Variants in RASIP1 observed in about 807,000 individuals in gnomAD.
RASIP1 encodes Ras interacting protein 1.
In RASIP1, 20 loss-of-function variants were observed where a neutral mutation model predicts 85.3. That is an observed-to-expected ratio of 0.23 (90% CI 0.17 to 0.34). The LOEUF is 0.34. Ranked by LOEUF, RASIP1 falls within the 10% of genes least tolerant of loss-of-function variation. RASIP1 has a pLI of 1.00. For synonymous variants in RASIP1, 617 were observed against 647.1 expected (o/e 0.95, Z 0.71); for missense variants, 1,170 against 1,390.9 (o/e 0.84, Z 2.53).
chr19:48,724,285 G>T lies in RASIP1; in HGVS notation c.2544+52C>A. ...GAGCTGAATATAGAAGGTGGCTGAG[G>T]GGGGTTGAGGAGTCAGAGGTCAGGG... On this transcript the variant is annotated intron_variant, in intron 10 of 11. Coordinates refer to ENST00000222145, the MANE Select transcript of RASIP1 (RefSeq NM_017805.3). The surrounding 1 kb of genome is among the most constrained non-coding windows in gnomAD (Gnocchi z 4.6). 1.5e-5 allele frequency: 23 copies of T among 1,565,470 alleles called. No individual in the cohort carries two copies. Among genetic ancestry groups the T allele is most frequent in the Non-Finnish European group, 1.9e-5 (22 of 1,146,844 alleles).
rs921378725 is a variant in RASIP1 at position 48,725,161 on chromosome 19, A to G, written c.2128-201T>C. 2.7e-5 allele frequency: 16 copies of G among 600,472 alleles called. 1 individual carries two copies. Among genetic ancestry groups the G allele is most frequent in the Middle Eastern group, 9.1e-4 (2 of 2,198 alleles). The allele number at this position is 600,472 out of a possible 1,614,324, so 37.2% of individuals were successfully genotyped here. A position where few individuals can be genotyped will look rare whatever the true frequency, so the allele number is the denominator to read the frequency against. ...ATACAAGTTTCTCGAGTATTTTAAGATCACCTCTTGTGCATTGTGGGACTT... is the reference window on the plus strand; with the variant it reads ...ATACAAGTTTCTCGAGTATTTTAAGGTCACCTCTTGTGCATTGTGGGACTT... On this transcript the variant is annotated intron_variant, in intron 8 of 11. Transcript: ENST00000222145.
chr19:48,739,387 G>A lies in RASIP1; in HGVS notation c.396C>T (p.Ala132=). 7.4e-7 allele frequency: 1 copy of A among 1,345,928 alleles called. No individual in the cohort carries two copies. Among genetic ancestry groups the A allele is most frequent in the Non-Finnish European group, 9.5e-7 (1 of 1,054,224 alleles). The allele number at this position is 1,345,928 out of a possible 1,614,324, so 83.4% of individuals were successfully genotyped here. A position where few individuals can be genotyped will look rare whatever the true frequency, so the allele number is the denominator to read the frequency against. ...CGCGGGTAGCCAGCGGGGGCTCGGGGGCCACGCCCGCCGCCAGCTCCGGCA... is the reference window on the plus strand; with the variant it reads ...CGCGGGTAGCCAGCGGGGGCTCGGGAGCCACGCCCGCCGCCAGCTCCGGCA... ...KKLPELAAGV[A]PEPPLATRAT... Residue 132 remains alanine (A), a synonymous_variant, in exon 3 of 12, where the codon GCC becomes GCT. Transcript: ENST00000222145. The surrounding 1 kb of genome is among the most constrained non-coding windows in gnomAD (Gnocchi z 9.2).
intron 4 of RASIP1, among the ~76,000 whole-genome samples, chr19:48,732,879 C>T (rs1017822575): frequency 3.9e-5 from 6 of 152,146 alleles, no homozygotes; most frequent in East Asian, 1.9e-4. Flanking sequence ...ATGGAACTGT[C>T]GAATAAGCTA....
chr19:48,730,480 A>G (rs1204318725), intron 4 of RASIP1, among the ~76,000 whole-genome samples: 1 of 152,034 alleles, frequency 6.6e-6, no homozygotes, highest in Non-Finnish European at 1.5e-5. Flanking sequence ...ATTTCTTAAC[A>G]TGGGCTCTAC....
intron 10 of RASIP1, among the ~76,000 whole-genome samples, chr19:48,722,772 A>T (rs984097590): frequency 6.6e-6 from 1 of 152,150 alleles, no homozygotes. Context: ...TAGTCTCCTC[A>T]TCCATAAATT....
chr19:48,739,092 C>G lies in RASIP1; in HGVS notation c.691G>C (p.Asp231His). 7.6e-7 allele frequency: 1 copy of G among 1,308,648 alleles called. No homozygotes were observed. The highest frequency in any genetic ancestry group is 3.2e-5 in the East Asian group (1 of 31,282). 81.1% of individuals were successfully genotyped at this position (1,308,648 alleles called of 1,614,324 possible). Residue 231 changes from aspartate to histidine, a missense_variant, in exon 3 of 12, where the codon GAC (aspartate) becomes CAC (histidine). This residue lies in a region of RASIP1 where 299 missense variants were observed against 394.4 expected (regional missense o/e 0.76). Transcript: ENST00000222145. The surrounding 1 kb of genome is among the most constrained non-coding windows in gnomAD (Gnocchi z 9.2). ...WRAEHLRVLG[D>H]SERPLLVQEL... Reference sequence around the variant, plus strand: ...TGCACCAGCAGCGGGCGCTCGGAGTCGCCCAGCACGCGCAGGTGCTCCGCC... The same window carrying G: ...TGCACCAGCAGCGGGCGCTCGGAGTGGCCCAGCACGCGCAGGTGCTCCGCC...
At chr19:48,726,268 T>C (rs8112983) in intron 8 of RASIP1, among the ~76,000 whole-genome samples, 57,994 of 151,704 alleles carry the variant, frequency 0.38, 12,870 homozygotes, top group Middle Eastern at 0.59. Flanking sequence ...ATCTCCCGGG[T>C]TGGAATGCAG....
intron 3 of RASIP1, 123 bp from the exon 4 acceptor site, chr19:48,735,674 A>G: frequency 1.0e-6 from 1 of 963,240 alleles, no homozygotes; most frequent in Non-Finnish European, 1.5e-6. Context: ...TTTAGGATTT[A>G]GGCTTTTGCA....
intron 8 of RASIP1, among the ~76,000 whole-genome samples, chr19:48,725,953 T>G (rs1461382311): frequency 6.6e-6 from 1 of 152,180 alleles, no homozygotes; most frequent in African/African-American, 2.4e-5. Context: ...TTTTTTGAGA[T>G]GGAGTCTGTC....
At chr19:48,733,583 A>T (rs897264418) in intron 4 of RASIP1, among the ~76,000 whole-genome samples, 1 of 152,086 alleles carries the variant, frequency 6.6e-6, no homozygotes, top group African/African-American at 2.4e-5. Context: ...AGGCAGGTGG[A>T]TCACTTGAGG....
At chr19:48,721,503 C>G (rs752301239) in intron 11 of RASIP1, among the ~76,000 whole-genome samples, 14 of 152,040 alleles carry the variant, frequency 9.2e-5, no homozygotes, top group Non-Finnish European at 1.8e-4. Context: ...ATCTGGACTC[C>G]AAGATCCTGA....
At position 48,720,849 on chromosome 19, in the gene RASIP1, C is replaced by T. The variant is rs1404855595; in HGVS notation, c.2841G>A (p.Gln947=). 4 of 1,613,986 alleles carry T rather than the reference C, an allele frequency of 2.5e-6. No homozygotes were observed. In the South Asian group the frequency reaches 4.4e-5, roughly 18 times the overall value. ...LRRLLWDLEQ[Q]ELPANYRHGP... The stretch of plus-strand genomic sequence containing the variant: ...CATGGCGATAATTGGCTGGCAGCTC[C>T]TGCTGCTCAAGATCCCAGAGGAGGC... The change falls in exon 12 of 12, where the codon CAG becomes CAA. Residue 947 remains glutamine, a synonymous_variant. Transcript: ENST00000222145.
Position 48,739,465 on chromosome 19 carries a change from T to A in RASIP1, c.318A>T (p.Ala106=). 1 of 1,477,544 alleles carries A rather than the reference T, an allele frequency of 6.8e-7. No homozygotes were observed. 91.5% of individuals were successfully genotyped at this position (1,477,544 alleles called of 1,614,324 possible). A position where few individuals can be genotyped will look rare whatever the true frequency, so the allele number is the denominator to read the frequency against. ...CGCCCCCCGGGGTCCCAGGGCCTCCTGCGCCGCTGGACCCCGTGGTCCCGG... is the reference window on the plus strand; with the variant it reads ...CGCCCCCCGGGGTCCCAGGGCCTCCAGCGCCGCTGGACCCCGTGGTCCCGG... ...SGTGTTGSSG[A]GGPGTPGGAQ... Residue 106 remains alanine (A), a synonymous_variant, in exon 3 of 12, where the codon GCA becomes GCT. Transcript: ENST00000222145. The surrounding 1 kb of genome is among the most constrained non-coding windows in gnomAD (Gnocchi z 9.2).
Position 48,738,275 on chromosome 19 carries a change from T to C in RASIP1, c.823+685A>G, listed in dbSNP as rs1022164959. Among the ~76,000 whole-genome samples, 1 of 152,172 alleles carries C rather than the reference T, an allele frequency of 6.6e-6. No homozygotes were observed. Among genetic ancestry groups the C allele is most frequent in the African/African-American group, 2.4e-5 (1 of 41,416 alleles). ...TAGTTCTTTAATTCAAAAAGACCCT[T>C]GTCAATATTCAGTATCAAAACAGTT... On this transcript the variant is annotated intron_variant, in intron 3 of 11. Coordinates refer to ENST00000222145, the MANE Select transcript of RASIP1 (RefSeq NM_017805.3). This position sits in a 1 kb window ranked among gnomAD's most constrained non-coding sequence, Gnocchi z 4.0.
At position 48,740,139 on chromosome 19, in the gene RASIP1, C is replaced by T; in HGVS notation, c.137+7G>A. 1 of 1,585,212 alleles carries T rather than the reference C, an allele frequency of 6.3e-7. No individual in the cohort carries two copies. Among genetic ancestry groups the T allele is most frequent in the South Asian group, 1.1e-5 (1 of 88,296 alleles). On this transcript the variant is annotated splice_region_variant and intron_variant, in intron 2 of 11. Coordinates refer to ENST00000222145, the MANE Select transcript of RASIP1 (RefSeq NM_017805.3). The surrounding 1 kb of genome is among the most constrained non-coding windows in gnomAD (Gnocchi z 5.5). Reference sequence around the variant, plus strand: ...AGGGGCAGGAGTCCTGCAGAGATGGCACTCACTTGACAGAGGCTGCGCTGG... The same window carrying T: ...AGGGGCAGGAGTCCTGCAGAGATGGTACTCACTTGACAGAGGCTGCGCTGG...
At chr19:48,733,848 C>T (rs1377840430) in intron 4 of RASIP1, among the ~76,000 whole-genome samples, 4 of 151,370 alleles carry the variant, frequency 2.6e-5, no homozygotes, top group Non-Finnish European at 5.9e-5. Context: ...TGCACTCCTA[C>T]GAAGAAAACA....
chr19:48,729,569 T>G lies in RASIP1; in HGVS notation c.1201A>C (p.Thr401Pro), dbSNP rs1479932309. Residue 401 changes from threonine to proline, a missense_variant, in exon 5 of 12, where the codon ACG becomes CCG. Around this residue, in one of 4 missense-constraint regions of RASIP1, gnomAD observed 301 missense variants for 294.8 expected, o/e 1.02. Transcript: ENST00000222145. ...DAQDFVVYVM[T>P]REQHVFGRGG... is the part of the protein sequence containing the mutation. ...CGCCCAAACACGTGCTGCTCTCGCG[T>G]CATCACATACACCACAAAGTCCTGG... The G allele has an allele frequency of 5.0e-6, 8 of 1,600,070 alleles. No individual in the cohort carries two copies. The East Asian group carries it at 1.6e-4, about 32-fold the overall frequency.
Position 48,724,662 on chromosome 19 carries a change from T to C in RASIP1, c.2371+55A>G, listed in dbSNP as rs1033016551. On this transcript the variant is annotated intron_variant, in intron 9 of 11. Transcript: ENST00000222145. This position sits in a 1 kb window ranked among gnomAD's most constrained non-coding sequence, Gnocchi z 4.6. ...AGCCCGTGGTGTGTCTAATATGACC[T>C]GAGTCTCAGTGGCTCCTGTCTTTGC... 6.2e-7 allele frequency: 1 copy of C among 1,606,332 alleles called. No individual in the cohort carries two copies. Among genetic ancestry groups the C allele is most frequent in the African/African-American group, 1.3e-5 (1 of 74,860 alleles).
chr19:48,725,989 C>T (rs761590470), intron 8 of RASIP1, among the ~76,000 whole-genome samples: 3 of 152,044 alleles, frequency 2.0e-5, no homozygotes, highest in Non-Finnish European at 2.9e-5. Flanking sequence ...TGCAATGGTG[C>T]GATTTCAGCT....
Sources: gnomAD v4.1 joint callset for allele counts (sites outside exome capture counted in the v4.1 genomes callset) on GRCh38, gnomAD v4.1.1 for gene constraint, gnomAD v4.1.1 regional missense constraint, Gnocchi (gnomAD v3.1) non-coding constraint, MANE v1.5 for transcripts, NCBI Gene and HGNC (gene_info 2026-07-23, HGNC 2026-07-21) for gene names.